The following CUL3 variants were observed in gnomAD, a reference collection of about 807,000 sequenced individuals.
The protein encoded by CUL3 is cullin-3.
A neutral mutation model predicts 89.1 loss-of-function variants in CUL3; 19 were observed. That is an observed-to-expected ratio of 0.21 (90% CI 0.15 to 0.31). CUL3 has a LOEUF of 0.31. Among genes scored for constraint, CUL3 ranks in the 10% least tolerant of loss-of-function variants. The pLI is 1.00. For missense variants in CUL3, 469 were observed against 942.3 expected, an observed-to-expected ratio of 0.50 and a Z score of 6.58; for synonymous variants, 351 against 308.4, an observed-to-expected ratio of 1.14 and a Z score of -1.45.
intron 6 of CUL3, among the ~76,000 whole-genome samples, chr2:224,508,895 G>A (rs2106209834): frequency 6.8e-6 from 1 of 146,396 alleles, no homozygotes; most frequent in South Asian, 2.1e-4. Context: ...CTGGGAGGCA[G>A]AGCTTGCAGT....
intron 1 of CUL3, among the ~76,000 whole-genome samples, chr2:224,572,676 A>C (rs556631149): frequency 6.6e-6 from 1 of 151,468 alleles, no homozygotes; most frequent in South Asian, 2.1e-4. Flanking sequence ...GGAAGTGATT[A>C]ACTCATAAGG....
chr2:224,583,334 C>T (rs1404375753), intron 1 of CUL3, among the ~76,000 whole-genome samples: 2 of 152,084 alleles, frequency 1.3e-5, no homozygotes, highest in South Asian at 4.1e-4. Flanking sequence ...GTACTCCAGC[C>T]TGGGCAACAG....
chr2:224,473,482 C>G lies in CUL3; in HGVS notation c.*763G>C, dbSNP rs1238426076. On this transcript the variant is annotated 3_prime_UTR_variant, in exon 16 of 16. Coordinates refer to ENST00000264414, the MANE Select transcript of CUL3 (RefSeq NM_003590.5). ...ACCACCCTATACAATCCACTATTAG[C>G]AGTGAGTACAACAGCAAAAAAATTA... 2 of 183,390 alleles carry G rather than the reference C, an allele frequency of 1.1e-5. No individual in the cohort carries two copies. Among genetic ancestry groups the G allele is most frequent in the African/African-American group, 4.7e-5 (2 of 42,496 alleles). 11.4% of individuals were successfully genotyped at this position (183,390 alleles called of 1,614,324 possible). A position where few individuals can be genotyped will look rare whatever the true frequency, so the allele number is the denominator to read the frequency against.
chr2:224,540,304 C>T (rs140984296), intron 2 of CUL3, among the ~76,000 whole-genome samples: 2,466 of 151,996 alleles, frequency 0.016, 71 homozygotes, highest in African/African-American at 0.056. Flanking sequence ...GTGATCCACT[C>T]GCCTCGGCCT....
chr2:224,503,832 T>C lies in CUL3; in HGVS notation c.1207-10A>G. The C allele has an allele frequency of 6.6e-7, 1 of 1,525,694 alleles. No individual in the cohort carries two copies. Among genetic ancestry groups the C allele is most frequent in the Non-Finnish European group, 8.8e-7 (1 of 1,138,206 alleles). The allele number at this position is 1,525,694 out of a possible 1,614,324, so 94.5% of individuals were successfully genotyped here. On this transcript the variant is annotated splice_polypyrimidine_tract_variant and intron_variant, in intron 8 of 15. Coordinates refer to ENST00000264414, the MANE Select transcript of CUL3 (RefSeq NM_003590.5). Reference sequence around the variant, plus strand: ...CTTCTTGTTCTGTTAGCTGCAAAATTAAGATGATGTAACAATTATACAATT... The same window carrying C: ...CTTCTTGTTCTGTTAGCTGCAAAATCAAGATGATGTAACAATTATACAATT...
Position 224,474,291 on chromosome 2 carries a change from A to G in CUL3, c.2261T>C (p.Leu754Ser). Residue 754 changes from leucine to serine, a missense_variant, in exon 16 of 16, where the codon TTG becomes TCG. Physicochemically the swap from Leu to Ser is moderately radical, Grantham distance 145. This residue lies in a region of CUL3 where 65 missense variants were observed against 147.8 expected (regional missense o/e 0.44). Coordinates refer to ENST00000264414, the MANE Select transcript of CUL3 (RefSeq NM_003590.5). ...TTTGCGATCCTCAGGTGTTCGTGCC[A>G]AATATTCTCTCTCAATAAGTCCTTC... Reference protein sequence around the residue: ...RIEGLIEREYLARTPEDRKVY... With the variant: ...RIEGLIEREYSARTPEDRKVY... The G allele has an allele frequency of 6.2e-7, 1 of 1,614,018 alleles. No individual in the cohort carries two copies. The highest frequency in any genetic ancestry group is 8.5e-7 in the Non-Finnish European group (1 of 1,179,908).
At chr2:224,502,318 T>G (rs1692423334) in intron 10 of CUL3, among the ~76,000 whole-genome samples, 2 of 152,148 alleles carry the variant, frequency 1.3e-5, no homozygotes, top group Admixed American at 1.3e-4. Flanking sequence ...TCTCTAAACT[T>G]AAGGTTAAGT....
chr2:224,524,647 C>T (rs921445926), intron 3 of CUL3, among the ~76,000 whole-genome samples: 2 of 152,118 alleles, frequency 1.3e-5, no homozygotes, highest in Admixed American at 6.5e-5. Flanking sequence ...AACTAGATCA[C>T]GGTGATCTGA....
intron 13 of CUL3, among the ~76,000 whole-genome samples, chr2:224,491,022 GTT>G (rs1691951676): frequency 6.6e-6 from 1 of 152,072 alleles, no homozygotes; most frequent in South Asian, 2.1e-4. Context: ...GATATGGTAT[GTT>G]TTGTTATTAG....
intron 1 of CUL3, among the ~76,000 whole-genome samples, chr2:224,575,649 T>C (rs1224657447): frequency 2.0e-5 from 3 of 152,366 alleles, no homozygotes; most frequent in Admixed American, 6.5e-5. Flanking sequence ...AAGCTTTATA[T>C]GTATTAACTC....
At chr2:224,488,088 G>A (rs1010796970) in intron 13 of CUL3, among the ~76,000 whole-genome samples, 3 of 152,082 alleles carry the variant, frequency 2.0e-5, no homozygotes, top group South Asian at 2.1e-4. Context: ...TCTGGGACAC[G>A]GCTAAAGCAG....
chr2:224,512,126 C>T (rs898641606), intron 5 of CUL3, among the ~76,000 whole-genome samples: 1 of 150,474 alleles, frequency 6.6e-6, no homozygotes, highest in Non-Finnish European at 1.5e-5. Flanking sequence ...GACAGAGTCT[C>T]GCTCTGTCAC....
chr2:224,563,531 A>G (rs1042411668), intron 1 of CUL3, among the ~76,000 whole-genome samples: 2 of 152,216 alleles, frequency 1.3e-5, no homozygotes, highest in Non-Finnish European at 2.9e-5. Flanking sequence ...ATAAACTACA[A>G]CAGTCCTCCT....
At chr2:224,565,812 G>A (rs1038427164) in intron 1 of CUL3, among the ~76,000 whole-genome samples, 5 of 152,136 alleles carry the variant, frequency 3.3e-5, no homozygotes, top group East Asian at 1.9e-4. Flanking sequence ...ACAGTCTTTC[G>A]TGATTCTGAC....
intron 1 of CUL3, among the ~76,000 whole-genome samples, chr2:224,578,963 T>C (rs1035485185): frequency 6.6e-6 from 1 of 152,178 alleles, no homozygotes; most frequent in Non-Finnish European, 1.5e-5. Context: ...TACAAACAAA[T>C]GAAGCATTCT....
chr2:224,513,456 T>C, intron 5 of CUL3, 68 bp downstream of exon 5: 1 of 1,093,392 alleles, frequency 9.1e-7, no homozygotes, highest in Non-Finnish European at 1.3e-6. Flanking sequence ...AATAGTTAAA[T>C]TAGTAACTAT....
At chr2:224,480,543 G>A (rs929876850) in intron 14 of CUL3, among the ~76,000 whole-genome samples, 10 of 152,142 alleles carry the variant, frequency 6.6e-5, no homozygotes, top group African/African-American at 2.4e-4. Context: ...ACACATAAGT[G>A]TGCACACTTA....
intron 10 of CUL3, among the ~76,000 whole-genome samples, chr2:224,502,029 T>G (rs777193504): frequency 3.9e-5 from 6 of 152,222 alleles, no homozygotes; most frequent in Non-Finnish European, 8.8e-5. Context: ...CTTGCATCTT[T>G]CCTCCTCTCA....
At chr2:224,526,932 T>C (rs1693502303) in intron 3 of CUL3, among the ~76,000 whole-genome samples, 1 of 152,176 alleles carries the variant, frequency 6.6e-6, no homozygotes, top group Non-Finnish European at 1.5e-5. Flanking sequence ...AGCAGGAATT[T>C]AAGGAAGGAA....
Sources: gnomAD v4.1 joint callset for allele counts (sites outside exome capture counted in the v4.1 genomes callset) on GRCh38, gnomAD v4.1.1 for gene constraint, gnomAD v4.1.1 regional missense constraint, MANE v1.5 for transcripts, NCBI Gene and HGNC (gene_info 2026-07-23, HGNC 2026-07-21) for gene names.